Variants in CDC5L observed in about 807,000 individuals in gnomAD.
CDC5L encodes the protein cell division cycle 5-like protein.
In CDC5L, 18 loss-of-function variants were observed where a neutral mutation model predicts 104.1. That is an observed-to-expected ratio of 0.17 (90% CI 0.12 to 0.26). CDC5L has a LOEUF of 0.26. Ranked by LOEUF, CDC5L falls within the 10% of genes least tolerant of loss-of-function variation. The probability of loss-of-function intolerance (pLI) is 1.00; values close to 1 mark genes in which losing one functional copy is unlikely to be tolerated. For synonymous variants in CDC5L, 331 were observed against 322.7 expected (o/e 1.03, Z -0.28); for missense variants, 673 against 956.9 (o/e 0.70, Z 3.91).
intron 14 of CDC5L, among the ~76,000 whole-genome samples, chr6:44,441,932 C>CTTTTTTTTT (rs145016358): frequency 4.3e-4 from 40 of 92,846 alleles, no homozygotes; most frequent in South Asian, 1.6e-3. Context: ...AGGTCTTGTT[C>CTTTTTTTTT]TTTTTTTTTT....
chr6:44,424,651 T>C (rs1426820085), intron 11 of CDC5L, 68 bp downstream of exon 11: 5 of 1,490,714 alleles, frequency 3.4e-6, no homozygotes, highest in African/African-American at 1.4e-5. Flanking sequence ...GAATGAAGAA[T>C]AGCCATTAAA....
chr6:44,443,607 G>T, intron 14 of CDC5L, among the ~76,000 whole-genome samples: 2 of 149,920 alleles, frequency 1.3e-5, no homozygotes, highest in African/African-American at 2.5e-5. Flanking sequence ...TCATCTGCTT[G>T]ATCTAGTCTG....
At chr6:44,388,742 C>T (rs934569433) in intron 1 of CDC5L, among the ~76,000 whole-genome samples, 12 of 149,532 alleles carry the variant, frequency 8.0e-5, no homozygotes, top group African/African-American at 3.0e-4. Context: ...ATCCTTCAAA[C>T]CTAGTTCGGA....
chr6:44,403,911 C>T lies in CDC5L; in HGVS notation c.642C>T (p.Ile214=). The change falls in exon 6 of 16, where the codon ATC becomes ATT. Residue 214 remains isoleucine (I), a synonymous_variant. Transcript: ENST00000371477. The part of the protein sequence containing the change: ...RKRGVDYNAE[I]PFEKKPALGF... ...GAGGAGTTGATTATAATGCCGAAAT[C>T]CCATTTGAAAAAAAGCCTGCCCTTG... 3.7e-6 allele frequency: 6 copies of T among 1,613,074 alleles called. No homozygotes were observed. The highest frequency in any genetic ancestry group is 5.1e-6 in the Non-Finnish European group (6 of 1,179,472).
chr6:44,406,948 A>T (rs1791395349), intron 7 of CDC5L, among the ~76,000 whole-genome samples: 1 of 152,110 alleles, frequency 6.6e-6, no homozygotes. Context: ...AAACAAAAAA[A>T]ACCCCACAAG....
intron 14 of CDC5L, among the ~76,000 whole-genome samples, chr6:44,432,076 AAAAAG>A (rs1486682828): frequency 6.6e-6 from 1 of 152,232 alleles, no homozygotes; most frequent in Non-Finnish European, 1.5e-5. Flanking sequence ...AATCTTTTAA[AAAAAG>A]AAAAGCAGCT....
intron 14 of CDC5L, among the ~76,000 whole-genome samples, chr6:44,431,110 G>A (rs762598472): frequency 6.6e-6 from 1 of 152,142 alleles, no homozygotes; most frequent in Non-Finnish European, 1.5e-5. Flanking sequence ...GAAATGAGCA[G>A]GAAAAAGCAG....
chr6:44,413,236 C>A (rs1374003547), intron 8 of CDC5L, among the ~76,000 whole-genome samples: 1 of 152,200 alleles, frequency 6.6e-6, no homozygotes, highest in Non-Finnish European at 1.5e-5. Context: ...TAAATGAAAT[C>A]ATATAATATA....
chr6:44,430,337 A>G (rs1280215988), intron 14 of CDC5L, among the ~76,000 whole-genome samples: 1 of 151,068 alleles, frequency 6.6e-6, no homozygotes, highest in Non-Finnish European at 1.5e-5. Flanking sequence ...CTTAAATACA[A>G]TTCTGTTCAT....
intron 5 of CDC5L, among the ~76,000 whole-genome samples, chr6:44,403,108 T>C (rs1317425022): frequency 6.6e-6 from 1 of 152,234 alleles, no homozygotes; most frequent in Admixed American, 6.5e-5. Flanking sequence ...TGCACCAATA[T>C]ACTTTTTCAT....
intron 8 of CDC5L, among the ~76,000 whole-genome samples, chr6:44,416,593 A>G (rs1269138131): frequency 6.6e-6 from 1 of 152,062 alleles, no homozygotes; most frequent in African/African-American, 2.4e-5. Context: ...GATGAACTCT[A>G]CTCAGTACCA....
intron 4 of CDC5L, among the ~76,000 whole-genome samples, chr6:44,395,201 G>C (rs1469019390): frequency 6.6e-6 from 1 of 152,158 alleles, no homozygotes; most frequent in African/African-American, 2.4e-5. Context: ...ATGTTTGATA[G>C]CAGAATAGGG....
intron 5 of CDC5L, among the ~76,000 whole-genome samples, chr6:44,398,600 T>A (rs1375290846): frequency 6.6e-6 from 1 of 152,258 alleles, no homozygotes; most frequent in Non-Finnish European, 1.5e-5. Context: ...TAAAGCAGTT[T>A]TTTATTGATT....
chr6:44,426,013 A>G (rs1176987536), intron 11 of CDC5L, 90 bp from the exon 12 acceptor site: 2 of 816,814 alleles, frequency 2.4e-6, no homozygotes, highest in Non-Finnish European at 3.9e-6. Flanking sequence ...TTGAACACAC[A>G]TGATCTTACA....
intron 6 of CDC5L, 57 bp from the exon 7 acceptor site, chr6:44,406,266 T>C (rs1791360547): frequency 7.8e-7 from 1 of 1,283,136 alleles, no homozygotes; most frequent in East Asian, 2.3e-5. Flanking sequence ...GTATGGATTT[T>C]AATGTTTTTG....
At chr6:44,426,782 A>C in intron 13 of CDC5L, 58 bp downstream of exon 13, 1 of 1,525,054 alleles carries the variant, frequency 6.6e-7, no homozygotes, top group Non-Finnish European at 9.0e-7. Flanking sequence ...GGTGCTGTGT[A>C]TCATGGACAA....
chr6:44,418,458 C>T (rs1222571103), intron 8 of CDC5L, among the ~76,000 whole-genome samples: 2 of 152,280 alleles, frequency 1.3e-5, no homozygotes, highest in African/African-American at 2.4e-5. Flanking sequence ...AGTAAACATA[C>T]GTGTGCATGT....
chr6:44,390,194 A>T, intron 1 of CDC5L, 74 bp from the exon 2 acceptor site: 1 of 857,050 alleles, frequency 1.2e-6, no homozygotes, highest in Non-Finnish European at 2.0e-6. Context: ...TAGCCCTATC[A>T]GAGTTAATTT....
At chr6:44,426,063 C>A in intron 11 of CDC5L, 40 bp from the exon 12 acceptor site, 1 of 1,344,856 alleles carries the variant, frequency 7.4e-7, no homozygotes, top group Non-Finnish European at 1.1e-6. Context: ...ATATCAAATA[C>A]GCTATAGCTG....
Sources: allele counts gnomAD v4.1 joint callset (sites outside exome capture counted in the v4.1 genomes callset), GRCh38; gene constraint gnomAD v4.1.1; transcripts MANE v1.5; gene names NCBI Gene and HGNC (gene_info 2026-07-23, HGNC 2026-07-21).